Variants in MEF2C observed in about 807,000 individuals in gnomAD.
The protein encoded by MEF2C is myocyte-specific enhancer factor 2C.
MEF2C carries 6 observed loss-of-function variants against 50.5 expected under a neutral mutation model. The ratio of observed to expected loss-of-function variants is 0.12; its 90% CI spans 0.07 to 0.23. The LOEUF (loss-of-function observed/expected upper bound fraction) is 0.23. Ranked by LOEUF, MEF2C falls within the 10% of genes least tolerant of loss-of-function variation. The pLI, the probability that MEF2C is intolerant of heterozygous loss-of-function variation, is 1.00. For missense variants in MEF2C, 276 were observed against 605.0 expected (o/e 0.46, Z 5.70); for synonymous variants, 183 against 228.0 (o/e 0.80, Z 1.78).
At chr5:88,843,985 T>C (rs2153348636) in intron 1 of MEF2C, among the ~76,000 whole-genome samples, 1 of 152,248 alleles carries the variant, frequency 6.6e-6, no homozygotes, top group Middle Eastern at 3.4e-3. Context: ...AATTTTTTTG[T>C]ATTTTTAGTA....
intron 6 of MEF2C, among the ~76,000 whole-genome samples, chr5:88,744,716 A>T (rs1397334554): frequency 6.6e-6 from 1 of 152,234 alleles, no homozygotes. Context: ...GACTTGCTGT[A>T]TATTTCTCTT....
chr5:88,801,019 C>T (rs1027706888), intron 3 of MEF2C, among the ~76,000 whole-genome samples: 1 of 152,038 alleles, frequency 6.6e-6, no homozygotes, highest in African/African-American at 2.4e-5. Flanking sequence ...TTACGCAGAG[C>T]TTTTTTGCTA....
Position 88,733,707 on chromosome 5 carries a change from G to A in MEF2C, c.638-1806C>T, listed in dbSNP as rs1047394645. ...CATTTTATGCATGAATAAACAGGCT[G>A]AATATATAACAAATAACTACAAGAT... On this transcript the variant is annotated intron_variant, in intron 6 of 10. Transcript: ENST00000504921. The A allele has an allele frequency of 6.1e-6, 6 of 985,064 alleles. No individual in the cohort carries two copies. The African/African-American group carries it at 1.0e-4, about 17-fold the overall frequency. The allele number at this position is 985,064 out of a possible 1,614,324, so 61.0% of individuals were successfully genotyped here.
intron 4 of MEF2C, among the ~76,000 whole-genome samples, chr5:88,758,446 T>C (rs1036967199): frequency 6.6e-6 from 1 of 152,132 alleles, no homozygotes; most frequent in African/African-American, 2.4e-5. Flanking sequence ...TTTTATGTAA[T>C]TGAGGAATAT....
At chr5:88,780,463 T>C (rs1787385328) in intron 3 of MEF2C, among the ~76,000 whole-genome samples, 1 of 152,184 alleles carries the variant, frequency 6.6e-6, no homozygotes, top group South Asian at 2.1e-4. Flanking sequence ...TGGTTAAAAA[T>C]GATATCCTTT....
intron 3 of MEF2C, among the ~76,000 whole-genome samples, chr5:88,776,426 T>A (rs1428593491): frequency 6.6e-6 from 1 of 152,210 alleles, no homozygotes; most frequent in Non-Finnish European, 1.5e-5. Flanking sequence ...TGCTGTGCAG[T>A]AGCTCTCAAA....
At chr5:88,825,735 G>T in intron 1 of MEF2C, 3 of 524,886 alleles carry the variant, frequency 5.7e-6, no homozygotes, top group South Asian at 8.4e-5. Flanking sequence ...AGCAAGCAGT[G>T]TGTTAGAATG....
intron 4 of MEF2C, among the ~76,000 whole-genome samples, chr5:88,757,596 A>G (rs1425321970): frequency 1.3e-5 from 2 of 151,998 alleles, no homozygotes; most frequent in Non-Finnish European, 1.5e-5. Context: ...TCCCTAATTA[A>G]CTACAGAAGC....
chr5:88,765,287 T>C (rs746357432), intron 3 of MEF2C, among the ~76,000 whole-genome samples: 1 of 152,112 alleles, frequency 6.6e-6, no homozygotes, highest in Non-Finnish European at 1.5e-5. Flanking sequence ...AGAAAGAACA[T>C]TGAAAAAAAT....
chr5:88,766,954 C>T lies in MEF2C; in HGVS notation c.259-5626G>A, dbSNP rs1240581004. Reference sequence around the variant, plus strand: ...ATCTACTCTTAACAAGCTGAATAATCTTTAGAAAGTAGTAAATTCATGTAG... The same window carrying T: ...ATCTACTCTTAACAAGCTGAATAATTTTTAGAAAGTAGTAAATTCATGTAG... On this transcript the variant is annotated intron_variant, in intron 3 of 10. Coordinates refer to ENST00000504921, the MANE Select transcript of MEF2C (RefSeq NM_002397.5). 4 of 287,572 alleles carry T rather than the reference C, an allele frequency of 1.4e-5. No homozygotes were observed. The East Asian group carries it at 5.2e-4, about 37-fold the overall frequency. 17.8% of individuals were successfully genotyped at this position (287,572 alleles called of 1,614,324 possible).
At chr5:88,858,426 G>A (rs751005382) in intron 1 of MEF2C, among the ~76,000 whole-genome samples, 58 of 152,244 alleles carry the variant, frequency 3.8e-4, no homozygotes, top group Non-Finnish European at 7.6e-4. Flanking sequence ...AATTTAGCAA[G>A]TTAATCATGG....
chr5:88,752,474 G>C, intron 4 of MEF2C: 2 of 428,274 alleles, frequency 4.7e-6, no homozygotes, highest in Non-Finnish European at 6.2e-6. Context: ...TATTTATGTA[G>C]AAGTTTAATG....
chr5:88,878,355 C>T (rs1831749013), intron 1 of MEF2C, among the ~76,000 whole-genome samples: 1 of 151,912 alleles, frequency 6.6e-6, no homozygotes, highest in African/African-American at 2.4e-5. Flanking sequence ...ACAGGAATGA[C>T]CCCTTTCTTT....
At chr5:88,852,406 C>T (rs143952857) in intron 1 of MEF2C, among the ~76,000 whole-genome samples, 197 of 152,258 alleles carry the variant, frequency 1.3e-3, no homozygotes, top group African/African-American at 4.5e-3. Context: ...CAAAAAAGAC[C>T]ATTCAGAGTA....
chr5:88,838,351 T>C (rs1016288948), intron 1 of MEF2C, among the ~76,000 whole-genome samples: 1 of 151,882 alleles, frequency 6.6e-6, no homozygotes, highest in African/African-American at 2.4e-5. Context: ...TATAATTTAC[T>C]GGATGATCAT....
intron 1 of MEF2C, chr5:88,843,269 C>T (rs372771619): frequency 1.3e-6 from 1 of 763,958 alleles, no homozygotes; most frequent in Admixed American, 7.2e-5. Flanking sequence ...ATTTGGGTAT[C>T]TTACTCCATT....
chr5:88,896,207 A>G (rs1835100166), intron 1 of MEF2C, among the ~76,000 whole-genome samples: 1 of 152,178 alleles, frequency 6.6e-6, no homozygotes, highest in African/African-American at 2.4e-5. Context: ...TATATACTTA[A>G]AAAATTGTAC....
chr5:88,806,490 CT>C (rs1340219882), intron 2 of MEF2C, among the ~76,000 whole-genome samples: 5 of 152,102 alleles, frequency 3.3e-5, no homozygotes, highest in Admixed American at 6.6e-5. Flanking sequence ...AACTAGAAAC[CT>C]CAGAGAGAAC....
At chr5:88,738,977 A>G (rs1031990980) in intron 6 of MEF2C, 1 of 980,750 alleles carries the variant, frequency 1.0e-6, no homozygotes, top group African/African-American at 1.8e-5. Context: ...GGATGATTAA[A>G]TATGCTTTTA....
Sources: allele counts gnomAD v4.1 joint callset (sites outside exome capture counted in the v4.1 genomes callset), GRCh38; gene constraint gnomAD v4.1.1; transcripts MANE v1.5; gene names NCBI Gene and HGNC (gene_info 2026-07-23, HGNC 2026-07-21).